FLT4: variants seen among roughly 807,000 people sequenced by gnomAD.
FLT4 encodes the protein fms related receptor tyrosine kinase 4, also known as vascular endothelial growth factor receptor 3.
A neutral mutation model predicts 163.2 loss-of-function variants in FLT4; 30 were observed. The observed-to-expected ratio is 0.18, with a 90% CI of 0.14 to 0.25. The LOEUF is 0.25. FLT4 is among the 10% of genes least tolerant of loss of function. FLT4 has a pLI of 1.00. For synonymous variants in FLT4, 884 were observed against 789.5 expected, an observed-to-expected ratio of 1.12 and a Z score of -2.01; for missense variants, 1,510 against 1,863.8, an observed-to-expected ratio of 0.81 and a Z score of 3.50.
rs566339142 is a variant in FLT4, at chr5:180,624,002, G to A, written c.1481C>T (p.Thr494Met). Residue 494 changes from threonine (T) to methionine (M), a missense_variant, in exon 11 of 30, where the codon ACG becomes ATG. This residue lies in a region of FLT4 where 878 missense variants were observed against 1,016.7 expected (regional missense o/e 0.86). Coordinates refer to ENST00000261937, the MANE Select transcript of FLT4 (RefSeq NM_182925.5). ...PQCRDWRAVTTQDAVNPIESL... is the reference protein window; with the variant it reads ...PQCRDWRAVTMQDAVNPIESL... ...CTCGATGGGGTTCACGGCATCCTGC[G>A]TGGTCACCGCCCTCCAGTCACGGCA... 3.2e-5 allele frequency: 51 copies of A among 1,613,302 alleles called. No homozygotes were observed. The highest frequency in any genetic ancestry group is 1.6e-4 in the Middle Eastern group (1 of 6,082).
chr5:180,625,666 G>T (rs533909540), intron 10 of FLT4, among the ~76,000 whole-genome samples: 2 of 152,370 alleles, frequency 1.3e-5, no homozygotes, highest in Non-Finnish European at 2.9e-5. Context: ...GAGGATGGGT[G>T]CAAGGGAGGC....
At position 180,629,420 on chromosome 5, in the gene FLT4, C is replaced by T. The variant is rs372030421; in HGVS notation, c.824G>A (p.Arg275Gln). Residue 275 changes from arginine to glutamine, a missense_variant, in exon 7 of 30, where the codon CGG (arginine) becomes CAG (glutamine). Arg to Gln is a conservative substitution (Grantham distance 43). Coordinates refer to ENST00000261937, the MANE Select transcript of FLT4 (RefSeq NM_182925.5). ...DWDYPGKQAE[R>Q]GKWVPERRSQ... Reference sequence around the variant, plus strand: ...GCGTCGCTCGGGCACCCACTTACCCCGCTCTGCCTGCCCGCACCCAGGGAA... The same window carrying T: ...GCGTCGCTCGGGCACCCACTTACCCTGCTCTGCCTGCCCGCACCCAGGGAA... 166 of 1,610,892 alleles carry T rather than the reference C, an allele frequency of 1.0e-4. No homozygotes were observed. Among genetic ancestry groups the T allele is most frequent in the Non-Finnish European group, 1.4e-4 (164 of 1,179,956 alleles).
chr5:180,633,950 C>T (rs890408934), intron 1 of FLT4, among the ~76,000 whole-genome samples: 22 of 152,180 alleles, frequency 1.4e-4, no homozygotes, highest in Admixed American at 2.6e-4. Context: ...GCCCCCTTCT[C>T]AGGAGTGCAC....
chr5:180,615,469 T>TCCTTGCC (rs1762598288), intron 23 of FLT4, among the ~76,000 whole-genome samples: 1 of 133,096 alleles, frequency 7.5e-6, no homozygotes. Flanking sequence ...CTTCTCCACT[T>TCCTTGCC]CCGAAATCCA....
chr5:180,614,817 T>G (rs935017888), intron 23 of FLT4, among the ~76,000 whole-genome samples: 53 of 152,166 alleles, frequency 3.5e-4, no homozygotes, highest in African/African-American at 1.0e-3. Context: ...GCGGCCATGC[T>G]GGGCTGGATG....
In FLT4 at chr5:180,630,828, G is replaced by A. The variant is rs2127839509; in HGVS notation, c.156-29C>T. The A allele has an allele frequency of 2.5e-6, 4 of 1,582,888 alleles. No individual in the cohort carries two copies. The highest frequency in any genetic ancestry group is 4.5e-5 in the East Asian group (2 of 44,304). ...GCAGAGGACAGGAGTGGTCAGGTGG[G>A]CCCCAGGGCAGCCCATGGGGACTGT... On this transcript the variant is annotated intron_variant, in intron 2 of 29. Coordinates refer to ENST00000261937, the MANE Select transcript of FLT4 (RefSeq NM_182925.5). This position sits in a 1 kb window ranked among gnomAD's most constrained non-coding sequence, Gnocchi z 6.3.
At chr5:180,648,624 C>T (rs1202888969) in intron 1 of FLT4, among the ~76,000 whole-genome samples, 1 of 152,188 alleles carries the variant, frequency 6.6e-6, no homozygotes, top group East Asian at 1.9e-4. Context: ...AGCTTCCTCC[C>T]TGACATCTCC....
intron 29 of FLT4, among the ~76,000 whole-genome samples, chr5:180,603,624 G>A (rs1380438757): frequency 4.6e-5 from 7 of 152,220 alleles, no homozygotes; most frequent in African/African-American, 1.2e-4. Flanking sequence ...GCTTGAGGCC[G>A]GGTGCGGTGG....
At chr5:180,616,859 G>T in intron 22 of FLT4, 41 bp downstream of exon 22, 1 of 1,480,676 alleles carries the variant, frequency 6.8e-7, no homozygotes, top group Non-Finnish European at 9.4e-7. Context: ...TGGTGGGGAT[G>T]CACCCTTTTC....
intron 28 of FLT4, chr5:180,609,533 C>T (rs866618108): frequency 5.5e-6 from 2 of 364,960 alleles, no homozygotes; most frequent in South Asian, 2.7e-5. Context: ...TCCAAGTGGC[C>T]CTGGAGGCAG....
Position 180,624,004 on chromosome 5 carries a change from G to A in FLT4, c.1479C>T (p.Thr493=), listed in dbSNP as rs2127822763. The change falls in exon 11 of 30, where the codon ACC becomes ACT. Residue 493 remains threonine (T), a synonymous_variant. Coordinates refer to ENST00000261937, the MANE Select transcript of FLT4 (RefSeq NM_182925.5). ...MPQCRDWRAV[T]TQDAVNPIES... is the part of the protein sequence containing the mutation. ...CGATGGGGTTCACGGCATCCTGCGTGGTCACCGCCCTCCAGTCACGGCACT... is the reference window on the plus strand; with the variant it reads ...CGATGGGGTTCACGGCATCCTGCGTAGTCACCGCCCTCCAGTCACGGCACT... 6.2e-7 allele frequency: 1 copy of A among 1,613,408 alleles called. No homozygotes were observed. Among genetic ancestry groups the A allele is most frequent in the Non-Finnish European group, 8.5e-7 (1 of 1,179,938 alleles).
chr5:180,640,559 G>GGCCTCCAGATA (rs1765028685), intron 1 of FLT4, among the ~76,000 whole-genome samples: 1 of 152,254 alleles, frequency 6.6e-6, no homozygotes, highest in African/African-American at 2.4e-5. Context: ...CTTGGGGCCT[G>GGCCTCCAGATA]GCCTCCATCT....
rs764057384 is a variant in FLT4, at chr5:180,623,922, G to C, written c.1548+13C>G. ...CTTCTCCCTGGGCACTCAGCAGCGC[G>C]GCTGGCCTGTACCTTATTCTTTCCC... is the stretch of plus-strand genomic sequence containing the variant. On this transcript the variant is annotated intron_variant, in intron 11 of 29. Coordinates refer to ENST00000261937, the MANE Select transcript of FLT4 (RefSeq NM_182925.5). This position sits in a 1 kb window ranked among gnomAD's most constrained non-coding sequence, Gnocchi z 5.8. The C allele has an allele frequency of 2.4e-5, 38 of 1,613,272 alleles. No homozygotes were observed. The highest frequency in any genetic ancestry group is 2.7e-5 in the Non-Finnish European group (32 of 1,179,912).
rs1212780237 is a variant in FLT4, at chr5:180,641,715, G to A, written c.58+7773C>T. On this transcript the variant is annotated intron_variant, in intron 1 of 29. Coordinates refer to ENST00000261937, the MANE Select transcript of FLT4 (RefSeq NM_182925.5). ...GCCCCTGTGCCTTCAGAGCTTAAGG[G>A]GCTGTCGGTCCTCACTGCACATCCT... Among the ~76,000 whole-genome samples, 8 of 152,334 alleles carry A rather than the reference G, an allele frequency of 5.3e-5. No individual in the cohort carries two copies. The South Asian group carries it at 1.2e-3, about 24-fold the overall frequency.
At chr5:180,610,106 C>A in intron 27 of FLT4, 81 bp from the exon 28 acceptor site, 1 of 1,602,186 alleles carries the variant, frequency 6.2e-7, no homozygotes, top group Non-Finnish European at 8.5e-7. Flanking sequence ...CCTGTGCCCC[C>A]TCTTCTCCTG....
rs1561699606 is a variant in FLT4 at position 180,613,052 on chromosome 5, GTC to G, written c.3388_3389del (p.Asp1130ArgfsTer83). On this transcript the variant is annotated frameshift_variant, in exon 25 of 30. Transcript: ENST00000261937. LOFTEE classifies it high-confidence loss of function. ...INEEFCQRLR[D>X]GTRMRAPELA... ...GCTCCGGGGCCCTCATCCTTGTGCC[GTC>G]TCTCAGCCGCTGGCAGAACTCCTCA... is the stretch of plus-strand genomic sequence containing the variant. 1 of 1,613,478 alleles carries G rather than the reference GTC, an allele frequency of 6.2e-7. No individual in the cohort carries two copies. The highest frequency in any genetic ancestry group is 8.5e-7 in the Non-Finnish European group (1 of 1,179,742).
rs383985 is a variant in FLT4, at chr5:180,628,862, T to G, written c.1103+20A>C. The G allele has an allele frequency of 0.58, 893,413 of 1,535,060 alleles. 262,661 individuals are homozygous for G. Among genetic ancestry groups the G allele is most frequent in the East Asian group, 0.79 (34,991 of 44,232 alleles). ...CTTGGAAGGGTATCGGCGGGGTCGG[T>G]GGGGAGCCAGGGCTGTTACCACTGG... is the stretch of plus-strand genomic sequence containing the variant. On this transcript the variant is annotated intron_variant, in intron 8 of 29. Coordinates refer to ENST00000261937, the MANE Select transcript of FLT4 (RefSeq NM_182925.5).
chr5:180,607,832 G>T, intron 29 of FLT4: 1 of 492,280 alleles, frequency 2.0e-6, no homozygotes. Flanking sequence ...GTGGGCACAG[G>T]GTCAGGTGCT....
At chr5:180,646,116 T>C (rs751070571) in intron 1 of FLT4, among the ~76,000 whole-genome samples, 5 of 152,038 alleles carry the variant, frequency 3.3e-5, no homozygotes, top group Non-Finnish European at 5.9e-5. Context: ...TGCTCCCAAC[T>C]TTCCTCCCTC....
Sources: allele counts gnomAD v4.1 joint callset (sites outside exome capture counted in the v4.1 genomes callset), GRCh38; gene constraint gnomAD v4.1.1; regional missense constraint gnomAD v4.1.1; non-coding constraint Gnocchi (gnomAD v3.1); transcripts MANE v1.5; gene names NCBI Gene and HGNC (gene_info 2026-07-23, HGNC 2026-07-21).